Variants in CSNK1D observed in about 807,000 individuals in gnomAD.
CSNK1D encodes the protein casein kinase 1 delta, also known as casein kinase I isoform delta.
Under a neutral mutation model 46.6 loss-of-function variants are expected in CSNK1D, and 16 were observed. The ratio of observed to expected loss-of-function variants is 0.34; its 90% CI spans 0.23 to 0.52. CSNK1D has a LOEUF of 0.52. Among genes scored for constraint, CSNK1D ranks in the 20% least tolerant of loss-of-function variants. The pLI is 0.95. For missense variants in CSNK1D, 398 were observed against 578.4 expected (o/e 0.69, Z 3.20); for synonymous variants, 276 against 228.2 (o/e 1.21, Z -1.89).
At chr17:82,258,382 T>C (rs2051239319) in intron 2 of CSNK1D, among the ~76,000 whole-genome samples, 1 of 151,716 alleles carries the variant, frequency 6.6e-6, no homozygotes, top group South Asian at 2.1e-4. Flanking sequence ...TACTTTCAGA[T>C]TTGGGAATAG....
chr17:82,249,981 A>C lies in CSNK1D; in HGVS notation c.886-379T>G. 2.0e-5 allele frequency: 25 copies of C among 1,226,946 alleles called. No individual in the cohort carries two copies. The highest frequency in any genetic ancestry group is 1.0e-4 in the East Asian group (2 of 19,106). The allele number at this position is 1,226,946 out of a possible 1,614,324, so 76.0% of individuals were successfully genotyped here. A position where few individuals can be genotyped will look rare whatever the true frequency, so the allele number is the denominator to read the frequency against. ...ATCGGAGGCCAAAGACAGGCCCCAAATGGTGACAGCTGGGGAGGAAAGCGG... is the reference window on the plus strand; with the variant it reads ...ATCGGAGGCCAAAGACAGGCCCCAACTGGTGACAGCTGGGGAGGAAAGCGG... On this transcript the variant is annotated intron_variant, in intron 6 of 8. Coordinates refer to ENST00000314028, the MANE Select transcript of CSNK1D (RefSeq NM_001893.6). This position sits in a 1 kb window ranked among gnomAD's most constrained non-coding sequence, Gnocchi z 6.7.
intron 2 of CSNK1D, chr17:82,265,380 C>G: frequency 5.2e-6 from 2 of 384,930 alleles, no homozygotes; most frequent in Admixed American, 7.4e-5. Flanking sequence ...GGTTTCACTA[C>G]GTTGGCCAGG....
intron 2 of CSNK1D, among the ~76,000 whole-genome samples, chr17:82,256,826 T>C (rs1853595900): frequency 6.6e-6 from 1 of 152,086 alleles, no homozygotes; most frequent in Admixed American, 6.6e-5. Flanking sequence ...ACTATACACA[T>C]GGCTCTACAC....
At chr17:82,273,717 G>A (rs1409284890), upstream of CSNK1D, 3 of 483,552 alleles carry the variant, frequency 6.2e-6, no homozygotes, top group Non-Finnish European at 7.2e-6. The surrounding 1 kb of genome is among the most constrained non-coding windows in gnomAD (Gnocchi z 5.1). Context: ...ACTTCCCCTA[G>A]CAACCCGGCG....
Position 82,273,563 on chromosome 17 carries a change from T to C in CSNK1D, c.-182A>G, listed in dbSNP as rs367599285. 12 of 721,688 alleles carry C rather than the reference T, an allele frequency of 1.7e-5. No homozygotes were observed. Among genetic ancestry groups the C allele is most frequent in the South Asian group, 7.4e-5 (4 of 54,000 alleles). The allele number at this position is 721,688 out of a possible 1,614,324, so 44.7% of individuals were successfully genotyped here. On this transcript the variant is annotated 5_prime_UTR_variant, in exon 1 of 9. Transcript: ENST00000314028. The surrounding 1 kb of genome is among the most constrained non-coding windows in gnomAD (Gnocchi z 5.1). ...TCCCAGCGCCTCAATACGGGGCGGA[T>C]GGGACAGTCCGAGCGCCGCCGCCGC...
downstream of CSNK1D, chr17:82,239,358 T>C: frequency 1.0e-5 from 2 of 195,372 alleles, no homozygotes; most frequent in Non-Finnish European, 2.1e-5. Context: ...TGGGGCCCTC[T>C]CCAGCCCGTC....
chr17:82,244,455 C>T lies in CSNK1D; in HGVS notation c.*326G>A. The T allele has an allele frequency of 4.5e-6, 6 of 1,330,650 alleles. No homozygotes were observed. The highest frequency in any genetic ancestry group is 1.5e-5 in the African/African-American group (1 of 67,728). The allele number at this position is 1,330,650 out of a possible 1,614,324, so 82.4% of individuals were successfully genotyped here. On this transcript the variant is annotated 3_prime_UTR_variant, in exon 9 of 9. Coordinates refer to ENST00000314028, the MANE Select transcript of CSNK1D (RefSeq NM_001893.6). ...AGATTGGTAGTTACAGTGGAATCGT[C>T]AGGGAGTACAGGGCGGCCACCACTG...
chr17:82,243,293 A>G lies in CSNK1D; in HGVS notation c.*1488T>C, dbSNP rs148087462. On this transcript the variant is annotated 3_prime_UTR_variant, in exon 9 of 9. Transcript: ENST00000314028. Reference sequence around the variant, plus strand: ...CCAAGGTGCACACCTTCGAAGCCCTAGAGTCCAAAGGGAACATCGTCCATC... The same window carrying G: ...CCAAGGTGCACACCTTCGAAGCCCTGGAGTCCAAAGGGAACATCGTCCATC... 9 of 985,538 alleles carry G rather than the reference A, an allele frequency of 9.1e-6. No individual in the cohort carries two copies. In the East Asian group the frequency reaches 6.8e-4, roughly 75 times the overall value. The allele number at this position is 985,538 out of a possible 1,614,324, so 61.0% of individuals were successfully genotyped here. A position where few individuals can be genotyped will look rare whatever the true frequency, so the allele number is the denominator to read the frequency against.
intron 2 of CSNK1D, among the ~76,000 whole-genome samples, chr17:82,264,885 C>T (rs1407392882): frequency 6.6e-6 from 1 of 151,214 alleles, no homozygotes; most frequent in Non-Finnish European, 1.5e-5. Flanking sequence ...GCAAGCTCTG[C>T]CTCCCGGGTT....
chr17:82,246,577 C>A lies in CSNK1D; in HGVS notation c.1198-1746G>T, dbSNP rs191583729. 42 of 1,028,732 alleles carry A rather than the reference C, an allele frequency of 4.1e-5. No individual in the cohort carries two copies. The East Asian group carries it at 1.8e-3, about 44-fold the overall frequency. 63.7% of individuals were successfully genotyped at this position (1,028,732 alleles called of 1,614,324 possible). ...GTAGCCAAAGAGCCCTGGCCGAACA[C>A]CAACAGCCCGAAAAGAGAGGGGGCG... On this transcript the variant is annotated intron_variant, in intron 8 of 8. Coordinates refer to ENST00000314028, the MANE Select transcript of CSNK1D (RefSeq NM_001893.6).
chr17:82,271,679 G>A (rs1362957661), intron 1 of CSNK1D, among the ~76,000 whole-genome samples: 2 of 152,238 alleles, frequency 1.3e-5, no homozygotes, highest in Non-Finnish European at 2.9e-5. Flanking sequence ...AGGTTAACCA[G>A]GCACCGAAAG....
rs2050761312 is a variant in CSNK1D at position 82,242,813 on chromosome 17, G to C, written c.*1968C>G. 1 of 985,458 alleles carries C rather than the reference G, an allele frequency of 1.0e-6. No homozygotes were observed. The allele number at this position is 985,458 out of a possible 1,614,324, so 61.0% of individuals were successfully genotyped here. ...CTACGTCTCCTGCACGGGGCGACGG[G>C]GACTAGATACTGGGCAAGGACTGTC... On this transcript the variant is annotated 3_prime_UTR_variant, in exon 9 of 9. Coordinates refer to ENST00000314028, the MANE Select transcript of CSNK1D (RefSeq NM_001893.6).
intron 3 of CSNK1D, chr17:82,253,789 C>G: frequency 3.2e-6 from 1 of 310,898 alleles, no homozygotes. Flanking sequence ...CCTCGAGAAG[C>G]CAGTGAGCTG....
rs1451138015 is a variant in CSNK1D at position 82,250,442 on chromosome 17, G to A, written c.886-840C>T. On this transcript the variant is annotated intron_variant, in intron 6 of 8. Coordinates refer to ENST00000314028, the MANE Select transcript of CSNK1D (RefSeq NM_001893.6). The surrounding 1 kb of genome is among the most constrained non-coding windows in gnomAD (Gnocchi z 4.6). ...CGGGTGACTCTAATGCCGCAGGAGG[G>A]TCGCTCTGATTCCTCCCGAGGCAGC... The A allele has an allele frequency of 5.9e-6, 2 of 340,158 alleles. No individual in the cohort carries two copies. Among genetic ancestry groups the A allele is most frequent in the East Asian group, 1.6e-4 (2 of 12,366 alleles). 21.1% of individuals were successfully genotyped at this position (340,158 alleles called of 1,614,324 possible).
In CSNK1D at chr17:82,243,673, T is replaced by C; in HGVS notation, c.*1108A>G. The C allele has an allele frequency of 1.0e-6, 1 of 985,512 alleles. No homozygotes were observed. Among genetic ancestry groups the C allele is most frequent in the South Asian group, 4.7e-5 (1 of 21,290 alleles). 61.0% of individuals were successfully genotyped at this position (985,512 alleles called of 1,614,324 possible). On this transcript the variant is annotated 3_prime_UTR_variant, in exon 9 of 9. Coordinates refer to ENST00000314028, the MANE Select transcript of CSNK1D (RefSeq NM_001893.6). The stretch of plus-strand genomic sequence containing the variant: ...TGGGTCCTTCTGGCCTGCCGGCTTT[T>C]CTGAGCTAGTCTTGGCACGTGGCAA...
chr17:82,273,291 G>A lies in CSNK1D; in HGVS notation c.76+15C>T, dbSNP rs1408143490. On this transcript the variant is annotated intron_variant, in intron 1 of 8. Coordinates refer to ENST00000314028, the MANE Select transcript of CSNK1D (RefSeq NM_001893.6). This position sits in a 1 kb window ranked among gnomAD's most constrained non-coding sequence, Gnocchi z 5.1. ...CCGGGTCTTCGGGCGGCGGGCGGGGGCGGCGGGGCCTCACCGAGATAGATG... is the reference window on the plus strand; with the variant it reads ...CCGGGTCTTCGGGCGGCGGGCGGGGACGGCGGGGCCTCACCGAGATAGATG... 1.2e-6 allele frequency: 2 copies of A among 1,601,010 alleles called. No homozygotes were observed. Among genetic ancestry groups the A allele is most frequent in the Non-Finnish European group, 8.5e-7 (1 of 1,175,776 alleles).
downstream of CSNK1D, among the ~76,000 whole-genome samples, chr17:82,241,214 G>A (rs1004124613): frequency 2.6e-5 from 4 of 152,210 alleles, no homozygotes; most frequent in African/African-American, 9.6e-5. Flanking sequence ...GGCCTTCCCA[G>A]AGAACAGCCC....
chr17:82,251,798 G>A lies in CSNK1D; in HGVS notation c.737-271C>T. The A allele has an allele frequency of 2.2e-6, 1 of 464,440 alleles. No individual in the cohort carries two copies. The allele number at this position is 464,440 out of a possible 1,614,324, so 28.8% of individuals were successfully genotyped here. ...GAGGTCAGGAGATCAAGACCATCCT[G>A]GCTAACACAGTGAAACCCCATCTCT... On this transcript the variant is annotated intron_variant, in intron 5 of 8. Transcript: ENST00000314028. This position sits in a 1 kb window ranked among gnomAD's most constrained non-coding sequence, Gnocchi z 4.5.
rs529878597 is a variant in CSNK1D at position 82,251,539 on chromosome 17, G to C, written c.737-12C>G. 1 of 1,613,760 alleles carries C rather than the reference G, an allele frequency of 6.2e-7. No individual in the cohort carries two copies. Among genetic ancestry groups the C allele is most frequent in the Non-Finnish European group, 8.5e-7 (1 of 1,179,908 alleles). On this transcript the variant is annotated splice_polypyrimidine_tract_variant and intron_variant, in intron 5 of 8. Transcript: ENST00000314028. The surrounding 1 kb of genome is among the most constrained non-coding windows in gnomAD (Gnocchi z 4.5). ...TGTGGCAAATTCGGCTACAAAACAA[G>C]AAACTCAAAGCTAACTCATGAAACC...
Sources: gnomAD v4.1 joint callset for allele counts (sites outside exome capture counted in the v4.1 genomes callset) on GRCh38, gnomAD v4.1.1 for gene constraint, Gnocchi (gnomAD v3.1) non-coding constraint, MANE v1.5 for transcripts, NCBI Gene and HGNC (gene_info 2026-07-23, HGNC 2026-07-21) for gene names.